ZBTB16: variants seen among roughly 807,000 people sequenced by gnomAD.
ZBTB16 encodes the protein zinc finger and BTB domain-containing protein 16.
ZBTB16 carries 8 observed loss-of-function variants against 56.8 expected under a neutral mutation model. The ratio of observed to expected loss-of-function variants is 0.14; its 90% confidence interval spans 0.08 to 0.25. The LOEUF is 0.25. Ranked by LOEUF, ZBTB16 falls within the 10% of genes least tolerant of loss-of-function variation. The pLI, the probability that ZBTB16 is intolerant of heterozygous loss-of-function variation, is 1.00. For missense variants in ZBTB16, 625 were observed against 903.0 expected, an observed-to-expected ratio of 0.69 and a Z score of 3.95; for synonymous variants, 363 against 368.5, an observed-to-expected ratio of 0.98 and a Z score of 0.17.
chr11:114,160,354 T>A (rs1024557688), intron 3 of ZBTB16, among the ~76,000 whole-genome samples: 1 of 152,184 alleles, frequency 6.6e-6, no homozygotes, highest in African/African-American at 2.4e-5. Flanking sequence ...TCCGCAGAGA[T>A]GTCATTTCTG....
intron 4 of ZBTB16, among the ~76,000 whole-genome samples, chr11:114,191,898 G>T (rs1224930538): frequency 2.0e-5 from 3 of 152,336 alleles, no homozygotes; most frequent in East Asian, 3.9e-4. Context: ...CTGGGAGAAT[G>T]ACATGACTTG....
rs1363428167 is a variant in ZBTB16 at position 114,256,469 on chromosome 11, C to T, written c.*5914C>T. On this transcript the variant is annotated 3_prime_UTR_variant, in exon 7 of 7. Coordinates refer to ENST00000335953, the MANE Select transcript of ZBTB16 (RefSeq NM_006006.6). ...TGAGCAGCAGTCAGAACTCCATCCA[C>T]CTCTCCTGATACCAGGCCAGGTTCC... is the stretch of plus-strand genomic sequence containing the variant. 1.3e-5 allele frequency among the ~76,000 whole-genome samples: 2 copies of T among 152,220 alleles called. No individual in the cohort carries two copies. Among genetic ancestry groups the T allele is most frequent in the Non-Finnish European group, 2.9e-5 (2 of 68,034 alleles).
chr11:114,196,811 T>A (rs1943621597), intron 4 of ZBTB16, among the ~76,000 whole-genome samples: 3 of 152,160 alleles, frequency 2.0e-5, no homozygotes, highest in Admixed American at 2.0e-4. Context: ...TACTTTTGAG[T>A]TATTATTTTT....
intron 4 of ZBTB16, among the ~76,000 whole-genome samples, chr11:114,226,493 A>C (rs1227558241): frequency 6.6e-6 from 1 of 152,170 alleles, no homozygotes; most frequent in East Asian, 1.9e-4. Context: ...AAAACTCCAG[A>C]GGAGGAGCTG....
intron 2 of ZBTB16, among the ~76,000 whole-genome samples, chr11:114,081,847 C>A (rs1174151870): frequency 6.6e-6 from 1 of 152,072 alleles, no homozygotes; most frequent in Admixed American, 6.5e-5. Flanking sequence ...AGGCTGGGGT[C>A]AGACTGTGGT....
At chr11:114,239,250 C>T (rs1318353880) in intron 4 of ZBTB16, among the ~76,000 whole-genome samples, 1 of 152,198 alleles carries the variant, frequency 6.6e-6, no homozygotes, top group African/African-American at 2.4e-5. Flanking sequence ...TTCATGTTCC[C>T]TCTGCCCAGG....
At chr11:114,158,483 C>T (rs1279325491) in intron 3 of ZBTB16, among the ~76,000 whole-genome samples, 1 of 152,198 alleles carries the variant, frequency 6.6e-6, no homozygotes, top group Non-Finnish European at 1.5e-5. Flanking sequence ...AGCTGTTCCC[C>T]ACCTCCAGCC....
At chr11:114,243,251 C>G (rs939413097) in intron 5 of ZBTB16, among the ~76,000 whole-genome samples, 1 of 152,196 alleles carries the variant, frequency 6.6e-6, no homozygotes, top group Non-Finnish European at 1.5e-5. Flanking sequence ...AGGTCTCTAT[C>G]TGGGTATATA....
chr11:114,086,837 G>C (rs1360326560), intron 2 of ZBTB16, among the ~76,000 whole-genome samples: 3 of 152,130 alleles, frequency 2.0e-5, no homozygotes, highest in African/African-American at 7.2e-5. Context: ...ACTGTATTAG[G>C]TTGGTGCAAA....
At chr11:114,213,105 G>T (rs990050720) in intron 4 of ZBTB16, among the ~76,000 whole-genome samples, 2 of 151,900 alleles carry the variant, frequency 1.3e-5, no homozygotes, top group African/African-American at 4.8e-5. Flanking sequence ...GACTGGCCAG[G>T]ACACCTCAGT....
At chr11:114,226,256 C>T (rs1944326047) in intron 4 of ZBTB16, among the ~76,000 whole-genome samples, 1 of 152,162 alleles carries the variant, frequency 6.6e-6, no homozygotes, top group Admixed American at 6.5e-5. Flanking sequence ...AAAGCACCAC[C>T]ACCCAAAGAG....
chr11:114,068,821 A>C (rs1939221637), intron 2 of ZBTB16, among the ~76,000 whole-genome samples: 1 of 152,214 alleles, frequency 6.6e-6, no homozygotes, highest in Non-Finnish European at 1.5e-5. Context: ...CAGCTCATCC[A>C]GGCCAGGAGC....
chr11:114,149,247 C>G (rs546184188), intron 2 of ZBTB16, among the ~76,000 whole-genome samples: 3 of 152,156 alleles, frequency 2.0e-5, no homozygotes, highest in African/African-American at 7.2e-5. Flanking sequence ...TGGATATCTG[C>G]AGAGCCAGGT....
chr11:114,129,981 G>T (rs1941618492), intron 2 of ZBTB16, among the ~76,000 whole-genome samples: 1 of 152,230 alleles, frequency 6.6e-6, no homozygotes. Context: ...TGGATGAATT[G>T]ATTTTCATAT....
chr11:114,111,627 G>A (rs975229067), intron 2 of ZBTB16, among the ~76,000 whole-genome samples: 1 of 152,218 alleles, frequency 6.6e-6, no homozygotes, highest in African/African-American at 2.4e-5. Context: ...CAAACATTAT[G>A]AATGAGATGC....
In ZBTB16 at chr11:114,250,776, T is replaced by A. The variant is rs1312008091; in HGVS notation, c.*221T>A. Reference sequence around the variant, plus strand: ...GGGGCCTCCACCCTCCTCTCCCGGCTGGAGGTTTGCCTGATTTTCTGGGAT... The same window carrying A: ...GGGGCCTCCACCCTCCTCTCCCGGCAGGAGGTTTGCCTGATTTTCTGGGAT... On this transcript the variant is annotated 3_prime_UTR_variant, in exon 7 of 7. Coordinates refer to ENST00000335953, the MANE Select transcript of ZBTB16 (RefSeq NM_006006.6). The surrounding 1 kb of genome is among the most constrained non-coding windows in gnomAD (Gnocchi z 6.0). The A allele has an allele frequency of 6.8e-6, 4 of 592,404 alleles. No individual in the cohort carries two copies. The highest frequency in any genetic ancestry group is 1.2e-5 in the Non-Finnish European group (4 of 336,130). 36.7% of individuals were successfully genotyped at this position (592,404 alleles called of 1,614,324 possible).
intron 3 of ZBTB16, among the ~76,000 whole-genome samples, chr11:114,160,342 A>G (rs1942552660): frequency 6.6e-6 from 1 of 152,148 alleles, no homozygotes; most frequent in African/African-American, 2.4e-5. Context: ...GCCGCATTGA[A>G]TTCCGCAGAG....
intron 2 of ZBTB16, among the ~76,000 whole-genome samples, chr11:114,083,448 C>T (rs928268269): frequency 6.6e-5 from 10 of 152,180 alleles, no homozygotes; most frequent in South Asian, 2.1e-4. Flanking sequence ...ACTTGTCTCA[C>T]GTCCCAGTCG....
chr11:114,136,519 G>C (rs1941801502), intron 2 of ZBTB16, among the ~76,000 whole-genome samples: 1 of 152,186 alleles, frequency 6.6e-6, no homozygotes, highest in African/African-American at 2.4e-5. Flanking sequence ...GAGAGTTTGT[G>C]AGAGTCTGAG....
Sources: allele counts gnomAD v4.1 joint callset (sites outside exome capture counted in the v4.1 genomes callset), GRCh38; gene constraint gnomAD v4.1.1; non-coding constraint Gnocchi (gnomAD v3.1); transcripts MANE v1.5; gene names NCBI Gene and HGNC (gene_info 2026-07-23, HGNC 2026-07-21).